Variants in EVC2 observed in about 807,000 individuals in gnomAD.
The protein encoded by EVC2 is EvC ciliary complex subunit 2.
Under a neutral mutation model 149.3 loss-of-function variants are expected in EVC2, and 148 were observed. The ratio of observed to expected loss-of-function variants is 0.99; its 90% CI spans 0.87 to 1.14. The LOEUF (loss-of-function observed/expected upper bound fraction) is 1.14. EVC2 is among the 50% of genes most tolerant of loss of function. The probability of loss-of-function intolerance (pLI) is 0.00; values close to 1 mark genes in which losing one functional copy is unlikely to be tolerated. For missense variants in EVC2, 1,854 were observed against 1,627.3 expected (o/e 1.14, Z -2.40); for synonymous variants, 776 against 649.9 (o/e 1.19, Z -2.95).
intron 16 of EVC2, among the ~76,000 whole-genome samples, chr4:5,598,389 G>C (rs1405244980): frequency 6.6e-6 from 1 of 150,646 alleles, no homozygotes; most frequent in Non-Finnish European, 1.5e-5. Context: ...CAATGGAACA[G>C]AACAGAGCCC....
At chr4:5,694,646 T>A in intron 2 of EVC2, 145 bp from the exon 3 acceptor site, 1 of 869,668 alleles carries the variant, frequency 1.1e-6, no homozygotes, top group Non-Finnish European at 1.9e-6. Flanking sequence ...GAATGAATGA[T>A]ATCATCTCTT....
At position 5,614,633 on chromosome 4, in the gene EVC2, A is replaced by T. The variant is rs149961155; in HGVS notation, c.2829+789T>A. ...TAATTCCACAAAGACAGAAGAATAC[A>T]GATTAAAGCATCCTAGGAGACTGTG... is the stretch of plus-strand genomic sequence containing the variant. On this transcript the variant is annotated intron_variant, in intron 16 of 21. Transcript: ENST00000344408. The surrounding 1 kb of genome is among the most constrained non-coding windows in gnomAD (Gnocchi z 4.7). 9.1e-4 allele frequency among the ~76,000 whole-genome samples: 138 copies of T among 152,286 alleles called. No individual in the cohort carries two copies. The highest frequency in any genetic ancestry group is 3.4e-3 in the Middle Eastern group (1 of 294).
chr4:5,605,259 T>A (rs1249616376), intron 16 of EVC2, among the ~76,000 whole-genome samples: 4 of 152,250 alleles, frequency 2.6e-5, no homozygotes, highest in African/African-American at 9.6e-5. Flanking sequence ...AGCCGAAGAC[T>A]TGAGGATGCC....
At position 5,606,898 on chromosome 4, in the gene EVC2, T is replaced by A. The variant is rs184208227; in HGVS notation, c.2829+8524A>T. On this transcript the variant is annotated intron_variant, in intron 16 of 21. Coordinates refer to ENST00000344408, the MANE Select transcript of EVC2 (RefSeq NM_147127.5). ...ATGAGTACGTTAAGGTGGAGAAAGG[T>A]TAAATAACTTGCTCAAGGTCACACA... Among the ~76,000 whole-genome samples, 159 of 152,206 alleles carry A rather than the reference T, an allele frequency of 1.0e-3. 1 individual carries two copies. Among genetic ancestry groups the A allele is most frequent in the African/African-American group, 3.7e-3 (153 of 41,526 alleles).
intron 16 of EVC2, among the ~76,000 whole-genome samples, chr4:5,609,580 T>C (rs1013433742): frequency 6.6e-6 from 1 of 152,024 alleles, no homozygotes; most frequent in African/African-American, 2.4e-5. Context: ...GCTCCATTAG[T>C]GGGAAAGAAG....
At chr4:5,621,808 G>A (rs1400142639) in intron 14 of EVC2, among the ~76,000 whole-genome samples, 3 of 152,118 alleles carry the variant, frequency 2.0e-5, no homozygotes, top group African/African-American at 4.8e-5. Context: ...CCAGGAGTTC[G>A]AGACCAGCCT....
intron 3 of EVC2, among the ~76,000 whole-genome samples, chr4:5,693,807 G>A (rs577930228): frequency 3.3e-5 from 5 of 152,338 alleles, no homozygotes; most frequent in Admixed American, 2.6e-4. Flanking sequence ...GAAAACAACA[G>A]CAAGAGCACG....
intron 16 of EVC2, among the ~76,000 whole-genome samples, chr4:5,591,218 G>C (rs868083782): frequency 1.9e-4 from 29 of 152,260 alleles, no homozygotes; most frequent in Middle Eastern, 3.4e-3. Flanking sequence ...ACCCTATTTA[G>C]CATAAATTCC....
intron 15 of EVC2, among the ~76,000 whole-genome samples, chr4:5,615,752 C>T (rs191401068): frequency 6.6e-6 from 1 of 152,274 alleles, no homozygotes; most frequent in East Asian, 1.9e-4. Context: ...ATCTGGTGGG[C>T]TCCTCCCACC....
chr4:5,689,248 C>T lies in EVC2; in HGVS notation c.615G>A (p.Leu205=), dbSNP rs140864640. The T allele has an allele frequency of 2.6e-4, 427 of 1,614,094 alleles. No individual in the cohort carries two copies. The highest frequency in any genetic ancestry group is 3.3e-4 in the Non-Finnish European group (395 of 1,180,060). Residue 205 remains leucine (L), a synonymous_variant, in exon 5 of 22, where the codon TTG becomes TTA. Coordinates refer to ENST00000344408, the MANE Select transcript of EVC2 (RefSeq NM_147127.5). ...TSSANLSELL[L]LDSIAGLTIW... is the part of the protein sequence containing the mutation. Reference sequence around the variant, plus strand: ...TGGTGAGACCAGCAATGCTGTCCAGCAAGAGCAGCTCCGAGAGGTTGGCTG... The same window carrying T: ...TGGTGAGACCAGCAATGCTGTCCAGTAAGAGCAGCTCCGAGAGGTTGGCTG...
chr4:5,612,278 A>G (rs10013049), intron 16 of EVC2, among the ~76,000 whole-genome samples: 16,309 of 152,096 alleles, frequency 0.11, 1,669 homozygotes, highest in African/African-American at 0.27. Flanking sequence ...GTATTTCCCA[A>G]ACGGCAATTC....
At chr4:5,663,011 T>G (rs1291988416) in intron 9 of EVC2, 96 bp downstream of exon 9, 4 of 1,501,376 alleles carry the variant, frequency 2.7e-6, no homozygotes, top group Non-Finnish European at 3.7e-6. Context: ...AATGATTAAC[T>G]GAATGAATGA....
chr4:5,629,085 G>A lies in EVC2; in HGVS notation c.1711-351C>T, dbSNP rs965352456. 4.4e-4 allele frequency among the ~76,000 whole-genome samples: 67 copies of A among 152,300 alleles called. 1 individual carries two copies. Among genetic ancestry groups the A allele is most frequent in the African/African-American group, 1.6e-3 (66 of 41,566 alleles). ...TCCTACAAGTGCTGAACACCAGGATGAGGTGCTGAAGTTCTGGGAGAAGTC... is the reference window on the plus strand; with the variant it reads ...TCCTACAAGTGCTGAACACCAGGATAAGGTGCTGAAGTTCTGGGAGAAGTC... On this transcript the variant is annotated intron_variant, in intron 11 of 21. Transcript: ENST00000344408.
chr4:5,534,934 AT>A, the EVC2 span, among the ~76,000 whole-genome samples: 3 of 140,430 alleles, frequency 2.1e-5, no homozygotes, highest in East Asian at 7.0e-4. Flanking sequence ...AAACAGGAGA[AT>A]TTAAAAAAAA....
intron 3 of EVC2, among the ~76,000 whole-genome samples, chr4:5,694,112 C>A (rs190084270): frequency 6.6e-6 from 1 of 152,292 alleles, no homozygotes; most frequent in Non-Finnish European, 1.5e-5. Context: ...CAGCCTAATG[C>A]TGAGTCAAAC....
chr4:5,706,741 G>T (rs1410631117), intron 1 of EVC2, among the ~76,000 whole-genome samples: 1 of 152,144 alleles, frequency 6.6e-6, no homozygotes, highest in Non-Finnish European at 1.5e-5. Context: ...GACAGGCCCA[G>T]AGAGACGGAA....
At chr4:5,631,571 G>GGT (rs546090360) in intron 11 of EVC2, among the ~76,000 whole-genome samples, 1 of 151,692 alleles carries the variant, frequency 6.6e-6, no homozygotes, top group Non-Finnish European at 1.5e-5. Flanking sequence ...GTAGACTGGG[G>GGT]GGGGGAACTG....
In EVC2 at chr4:5,686,475, T is replaced by G. The variant is rs758975871; in HGVS notation, c.707-996A>C. Among the ~76,000 whole-genome samples the G allele has an allele frequency of 1.3e-5, 2 of 152,176 alleles. No individual in the cohort carries two copies. The highest frequency in any genetic ancestry group is 2.4e-5 in the African/African-American group (1 of 41,442). On this transcript the variant is annotated intron_variant, in intron 5 of 21. Transcript: ENST00000344408. This position sits in a 1 kb window ranked among gnomAD's most constrained non-coding sequence, Gnocchi z 5.4. ...GTCAGACCTTCCCCATACAGTGATT[T>G]CATCACTCTCCACGTGCTGCACCTG...
chr4:5,619,769 C>T (rs372691595), intron 14 of EVC2, among the ~76,000 whole-genome samples: 195 of 152,266 alleles, frequency 1.3e-3, no homozygotes, highest in African/African-American at 4.6e-3. Context: ...CATACAATTG[C>T]TTTCTCATCC....
Sources: gnomAD v4.1 joint callset for allele counts (sites outside exome capture counted in the v4.1 genomes callset) on GRCh38, gnomAD v4.1.1 for gene constraint, Gnocchi (gnomAD v3.1) non-coding constraint, MANE v1.5 for transcripts, NCBI Gene and HGNC (gene_info 2026-07-23, HGNC 2026-07-21) for gene names.